DOCK4: variants seen among roughly 807,000 people sequenced by gnomAD.
The protein encoded by DOCK4 is dedicator of cytokinesis 4.
In DOCK4, 97 loss-of-function variants were observed where a neutral mutation model predicts 268.1. That is an observed-to-expected ratio of 0.36 (90% CI 0.31 to 0.43). The LOEUF is 0.43. DOCK4 is among the 20% of genes least tolerant of loss of function. The pLI, the probability that DOCK4 is intolerant of heterozygous loss-of-function variation, is 1.00. For synonymous variants in DOCK4, 954 were observed against 887.2 expected (o/e 1.08, Z -1.34); for missense variants, 2,145 against 2,455.7 (o/e 0.87, Z 2.67).
intron 1 of DOCK4, among the ~76,000 whole-genome samples, chr7:112,146,662 G>A (rs1196128806): frequency 6.6e-6 from 1 of 152,166 alleles, no homozygotes; most frequent in African/African-American, 2.4e-5. Flanking sequence ...AGTCTGGGGA[G>A]GTTAAGGATG....
chr7:111,746,560 A>G lies in DOCK4; in HGVS notation c.4594-143T>C, dbSNP rs77561784. Reference sequence around the variant, plus strand: ...GGACAGATGGGCTGATTACTAGTGTAGGTGGTTGGTCAGAATGGGAACATA... The same window carrying G: ...GGACAGATGGGCTGATTACTAGTGTGGGTGGTTGGTCAGAATGGGAACATA... On this transcript the variant is annotated intron_variant, in intron 43 of 52. Transcript: ENST00000428084. 1.1e-3 allele frequency: 706 copies of G among 638,300 alleles called. 11 individuals carry two copies. The East Asian group carries it at 0.019, about 18-fold the overall frequency. The allele number at this position is 638,300 out of a possible 1,614,324, so 39.5% of individuals were successfully genotyped here.
rs149870422 is a variant in DOCK4, at chr7:112,078,500, G to A, written c.38-74369C>T. ...CAGCTACAGGCATGGCACATAGAGA[G>A]ACGATTTAGGAAAAAAAATATTTAA... On this transcript the variant is annotated intron_variant, in intron 1 of 52. Transcript: ENST00000428084. Among the ~76,000 whole-genome samples, 45 of 152,282 alleles carry A rather than the reference G, an allele frequency of 3.0e-4. 1 individual carries two copies. The Middle Eastern group carries it at 0.01, about 35-fold the overall frequency.
At chr7:112,115,750 T>C (rs1040026007) in intron 1 of DOCK4, among the ~76,000 whole-genome samples, 11 of 152,200 alleles carry the variant, frequency 7.2e-5, no homozygotes, top group African/African-American at 2.4e-4. Flanking sequence ...GGTGCGATCA[T>C]AGGTCACTGC....
At chr7:111,877,747 T>C (rs754505830) in intron 16 of DOCK4, among the ~76,000 whole-genome samples, 1 of 152,202 alleles carries the variant, frequency 6.6e-6, no homozygotes, top group Non-Finnish European at 1.5e-5. Flanking sequence ...AGCTAACACA[T>C]GTAAAAGCAA....
intron 10 of DOCK4, among the ~76,000 whole-genome samples, chr7:111,944,394 G>A (rs1425278783): frequency 1.3e-5 from 2 of 151,874 alleles, no homozygotes; most frequent in Non-Finnish European, 2.9e-5. Flanking sequence ...CTGGAATAAC[G>A]CTCTGAAGCA....
chr7:111,839,353 A>C (rs1043857457), intron 25 of DOCK4, among the ~76,000 whole-genome samples: 1 of 152,228 alleles, frequency 6.6e-6, no homozygotes, highest in Non-Finnish European at 1.5e-5. Context: ...TTTCCATATC[A>C]TATTCACATT....
intron 12 of DOCK4, among the ~76,000 whole-genome samples, chr7:111,926,025 G>T (rs1427687926): frequency 1.3e-5 from 2 of 148,972 alleles, no homozygotes; most frequent in Admixed American, 1.3e-4. Flanking sequence ...AACCCGGGAG[G>T]CGGAGGTTGT....
chr7:112,025,236 C>G (rs1802678245), intron 1 of DOCK4, among the ~76,000 whole-genome samples: 1 of 152,038 alleles, frequency 6.6e-6, no homozygotes, highest in South Asian at 2.1e-4. Flanking sequence ...AAAAAGCTGC[C>G]TTTTCTACCT....
At chr7:111,911,861 G>A (rs900765535) in intron 13 of DOCK4, among the ~76,000 whole-genome samples, 4 of 151,934 alleles carry the variant, frequency 2.6e-5, no homozygotes, top group African/African-American at 9.7e-5. Context: ...CCAGTGGGAT[G>A]AATTTTTTTT....
chr7:111,822,208 T>C (rs765778820), intron 27 of DOCK4, among the ~76,000 whole-genome samples, 154 bp downstream of exon 27: 8 of 151,988 alleles, frequency 5.3e-5, no homozygotes, highest in Non-Finnish European at 1.0e-4. Context: ...ACAAAGGAAA[T>C]AGTAATTCTA....
chr7:111,927,103 G>A (rs1034625978), intron 12 of DOCK4, among the ~76,000 whole-genome samples: 2 of 152,156 alleles, frequency 1.3e-5, no homozygotes, highest in African/African-American at 4.8e-5. Context: ...AACCCAAAGG[G>A]TCTGACCATA....
chr7:112,077,738 T>G (rs489356), intron 1 of DOCK4, among the ~76,000 whole-genome samples: 28,958 of 152,080 alleles, frequency 0.19, 3,416 homozygotes, highest in East Asian at 0.33. Flanking sequence ...GGCTGAATGT[T>G]GATGCTAGAA....
chr7:112,077,697 T>A (rs1360734076), intron 1 of DOCK4, among the ~76,000 whole-genome samples: 1 of 152,100 alleles, frequency 6.6e-6, no homozygotes, highest in Non-Finnish European at 1.5e-5. Context: ...ACATGCCAGT[T>A]ATTTAAATAC....
At chr7:111,839,783 A>T (rs1803528742) in intron 25 of DOCK4, among the ~76,000 whole-genome samples, 1 of 152,152 alleles carries the variant, frequency 6.6e-6, no homozygotes, top group African/African-American at 2.4e-5. Flanking sequence ...TCCATAATGT[A>T]ATTTTTTTGC....
chr7:111,956,598 T>C (rs1796468926), intron 8 of DOCK4, among the ~76,000 whole-genome samples: 1 of 152,210 alleles, frequency 6.6e-6, no homozygotes, highest in Admixed American at 6.5e-5. Flanking sequence ...AGGTAGTTAC[T>C]CTATGTTCAC....
chr7:112,183,044 G>C (rs1381867796), intron 1 of DOCK4, among the ~76,000 whole-genome samples: 1 of 152,176 alleles, frequency 6.6e-6, no homozygotes, highest in Non-Finnish European at 1.5e-5. Flanking sequence ...CCTAGACTAA[G>C]TTTAGGTCAT....
rs1800863751 is a variant in DOCK4, at chr7:111,808,838, C to T, written c.3149G>A (p.Ser1050Asn). ...MRVTMGCEIFSMWQNLGEHKL... is the reference protein window; with the variant it reads ...MRVTMGCEIFNMWQNLGEHKL... ...TCACTTACCTAGGTTTTGCCACATGCTGAAAATTTCACAACCCATTGTTAC... is the reference window on the plus strand; with the variant it reads ...TCACTTACCTAGGTTTTGCCACATGTTGAAAATTTCACAACCCATTGTTAC... The change falls in exon 30 of 53, where the codon AGC becomes AAC. Residue 1050 changes from serine (S) to asparagine (N), a missense_variant. Physicochemically the swap from Ser to Asn is conservative, Grantham distance 46. This residue lies in a region of DOCK4 where 1,598 missense variants were observed against 1,986.7 expected (regional missense o/e 0.80). Coordinates refer to ENST00000428084, the MANE Select transcript of DOCK4 (RefSeq NM_001363540.2). 2 of 1,612,854 alleles carry T rather than the reference C, an allele frequency of 1.2e-6. No homozygotes were observed. Among genetic ancestry groups the T allele is most frequent in the Non-Finnish European group, 1.7e-6 (2 of 1,179,518 alleles).
chr7:112,154,143 TTTA>T (rs1816374436), intron 1 of DOCK4, among the ~76,000 whole-genome samples: 2 of 152,056 alleles, frequency 1.3e-5, no homozygotes, highest in African/African-American at 4.8e-5. Context: ...AGCTCATTTT[TTTA>T]TTTTTTGTAG....
chr7:112,043,369 T>C (rs753255903), intron 1 of DOCK4, among the ~76,000 whole-genome samples: 1 of 152,190 alleles, frequency 6.6e-6, no homozygotes, highest in Non-Finnish European at 1.5e-5. Context: ...AATGGGGTGT[T>C]AAAAACAGGA....
Sources: gnomAD v4.1 joint callset for allele counts (sites outside exome capture counted in the v4.1 genomes callset) on GRCh38, gnomAD v4.1.1 for gene constraint, gnomAD v4.1.1 regional missense constraint, MANE v1.5 for transcripts, NCBI Gene and HGNC (gene_info 2026-07-23, HGNC 2026-07-21) for gene names.